Variants in ADGRD1 observed in about 807,000 individuals in gnomAD.
The protein encoded by ADGRD1 is adhesion G protein-coupled receptor D1.
Under a neutral mutation model 113.4 loss-of-function variants are expected in ADGRD1, and 77 were observed. The observed-to-expected ratio is 0.68, with a 90% CI of 0.57 to 0.82. The LOEUF (loss-of-function observed/expected upper bound fraction) is 0.82, where lower values mean the gene tolerates loss of function less well. Among genes scored for constraint, ADGRD1 ranks in the 40% least tolerant of loss-of-function variants. The pLI is 0.00. For synonymous variants in ADGRD1, 474 were observed against 475.0 expected (o/e 1.00, Z 0.03); for missense variants, 1,036 against 1,139.1 (o/e 0.91, Z 1.30).
At chr12:130,961,405 C>T (rs1870344549) in intron 2 of ADGRD1, among the ~76,000 whole-genome samples, 1 of 151,280 alleles carries the variant, frequency 6.6e-6, no homozygotes, top group Non-Finnish European at 1.5e-5. Context: ...GCCCTTTCCT[C>T]TCTCTCTCTC....
Position 131,017,732 on chromosome 12 carries a change from C to T in ADGRD1, c.1473+3392C>T, listed in dbSNP as rs867827949. Among the ~76,000 whole-genome samples the T allele has an allele frequency of 2.6e-5, 4 of 151,490 alleles. No individual in the cohort carries two copies. In the East Asian group the frequency reaches 7.8e-4, roughly 29 times the overall value. On this transcript the variant is annotated intron_variant, in intron 13 of 24. Coordinates refer to ENST00000261654, the MANE Select transcript of ADGRD1 (RefSeq NM_198827.5). ...TGCTCACACACCCAGTACACATACC[C>T]AGCACAGACACACCCAGTGCACACA...
intron 8 of ADGRD1, among the ~76,000 whole-genome samples, chr12:130,996,563 G>T (rs1875405593): frequency 7.4e-6 from 1 of 135,822 alleles, no homozygotes; most frequent in South Asian, 2.4e-4. Context: ...GGACGGGGCG[G>T]CTGGCCGGGC....
chr12:131,100,877 A>C (rs1453129054), intron 15 of ADGRD1, among the ~76,000 whole-genome samples: 1 of 152,244 alleles, frequency 6.6e-6, no homozygotes, highest in Non-Finnish European at 1.5e-5. Context: ...TTCTCAATTT[A>C]AAAGATATTA....
intron 15 of ADGRD1, among the ~76,000 whole-genome samples, chr12:131,090,406 G>A (rs1267099718): frequency 2.0e-5 from 3 of 152,132 alleles, no homozygotes; most frequent in African/African-American, 7.2e-5. Context: ...CCTGGTGCAG[G>A]CTTTCTGCTC....
intron 15 of ADGRD1, among the ~76,000 whole-genome samples, chr12:131,095,308 G>A (rs1887203799): frequency 6.6e-6 from 1 of 152,236 alleles, no homozygotes. Context: ...AAGGTTCTGA[G>A]GGTTCCACCC....
At chr12:131,000,529 G>A in intron 9 of ADGRD1, 87 bp downstream of exon 9, 1 of 1,010,282 alleles carries the variant, frequency 9.9e-7, no homozygotes, top group South Asian at 1.3e-5. Flanking sequence ...ATCACTTGAG[G>A]TCAGGAGTCA....
Position 131,004,281 on chromosome 12 carries a change from G to GC in ADGRD1, c.1242dup (p.Phe415LeufsTer80). The GC allele has an allele frequency of 6.2e-7, 1 of 1,612,164 alleles. No homozygotes were observed. The highest frequency in any genetic ancestry group is 8.5e-7 in the Non-Finnish European group (1 of 1,178,542). Reference sequence around the variant, plus strand: ...GAGCTTCATCCAGATCCCCCACGAGGCCTTCCACAGGCACGGTGAGTGTGG... The same window carrying GC: ...GAGCTTCATCCAGATCCCCCACGAGGCCCTTCCACAGGCACGGTGAGTGTGG... On this transcript the variant is annotated frameshift_variant, in exon 11 of 25. Coordinates refer to ENST00000261654, the MANE Select transcript of ADGRD1 (RefSeq NM_198827.5). LOFTEE classifies it high-confidence loss of function.
chr12:130,971,544 T>A lies in ADGRD1; in HGVS notation c.274T>A (p.Ser92Thr). Reference sequence around the variant, plus strand: ...TCTCTATTACGGCAGGTACAACAGCTCCTGCATCAGCAAGCCAGAGCAGTG... The same window carrying A: ...TCTCTATTACGGCAGGTACAACAGCACCTGCATCAGCAAGCCAGAGCAGTG... ...TLLYYGRYNSSCISKPEQCGP... is the reference protein window; with the variant it reads ...TLLYYGRYNSTCISKPEQCGP... Residue 92 changes from serine (S) to threonine (T), a missense_variant, in exon 4 of 25, where the codon TCC becomes ACC. Coordinates refer to ENST00000261654, the MANE Select transcript of ADGRD1 (RefSeq NM_198827.5). The surrounding 1 kb of genome is among the most constrained non-coding windows in gnomAD (Gnocchi z 4.2). 1 of 1,612,896 alleles carries A rather than the reference T, an allele frequency of 6.2e-7. No individual in the cohort carries two copies. The highest frequency in any genetic ancestry group is 2.2e-5 in the East Asian group (1 of 44,830).
intron 13 of ADGRD1, among the ~76,000 whole-genome samples, chr12:131,021,097 AT>A (rs1566037128): frequency 6.7e-6 from 1 of 149,550 alleles, no homozygotes; most frequent in African/African-American, 2.5e-5. Flanking sequence ...CAGAAAAAAA[AT>A]GTCAAGAATA....
intron 18 of ADGRD1, among the ~76,000 whole-genome samples, chr12:131,117,052 A>G (rs1593242456): frequency 6.6e-6 from 1 of 152,236 alleles, no homozygotes; most frequent in East Asian, 1.9e-4. Context: ...CATAAGACAC[A>G]TTAGCATACA....
intron 13 of ADGRD1, among the ~76,000 whole-genome samples, chr12:131,030,231 G>A (rs1483582622): frequency 1.4e-5 from 2 of 148,120 alleles, no homozygotes; most frequent in Admixed American, 1.3e-4. Context: ...ACATTCCCAG[G>A]CTCTGGGGTT....
intron 3 of ADGRD1, chr12:130,968,962 T>G (rs952936389): frequency 6.8e-7 from 1 of 1,479,862 alleles, no homozygotes; most frequent in African/African-American, 1.4e-5. Flanking sequence ...TTTTTCTTTT[T>G]GTTGTTTCAC....
chr12:131,001,828 A>T (rs541138365), intron 9 of ADGRD1, among the ~76,000 whole-genome samples: 1 of 152,240 alleles, frequency 6.6e-6, no homozygotes, highest in Non-Finnish European at 1.5e-5. Context: ...CACCACCATG[A>T]TATTAAAGTG....
intron 13 of ADGRD1, among the ~76,000 whole-genome samples, chr12:131,043,300 CTG>C (rs745786943): frequency 4.5e-4 from 68 of 152,302 alleles, no homozygotes; most frequent in Non-Finnish European, 7.1e-4. Flanking sequence ...GATGAGGAAA[CTG>C]AGACTTGTGG....
chr12:131,038,592 T>C (rs933699979), intron 13 of ADGRD1, among the ~76,000 whole-genome samples: 2 of 152,206 alleles, frequency 1.3e-5, no homozygotes, highest in Non-Finnish European at 2.9e-5. Context: ...GCTCAGCCAC[T>C]GGAGTGGCCC....
intron 18 of ADGRD1, among the ~76,000 whole-genome samples, chr12:131,117,762 G>C (rs1405245321): frequency 6.6e-6 from 1 of 152,192 alleles, no homozygotes; most frequent in Admixed American, 6.5e-5. Flanking sequence ...CTCAAATACT[G>C]TAAGAATGTG....
chr12:131,101,164 G>A (rs1183034758), intron 15 of ADGRD1, among the ~76,000 whole-genome samples: 2 of 152,000 alleles, frequency 1.3e-5, no homozygotes, highest in African/African-American at 2.4e-5. Context: ...GGTGGGACAT[G>A]AGATGACTTG....
rs1950540007 is a variant in ADGRD1, at chr12:131,119,402, G to C, written c.2108+951G>C. 1.3e-5 allele frequency among the ~76,000 whole-genome samples: 2 copies of C among 152,344 alleles called. 1 individual carries two copies. Among genetic ancestry groups the C allele is most frequent in the South Asian group, 4.1e-4 (2 of 4,826 alleles). On this transcript the variant is annotated intron_variant, in intron 19 of 24. Coordinates refer to ENST00000261654, the MANE Select transcript of ADGRD1 (RefSeq NM_198827.5). Reference sequence around the variant, plus strand: ...TGGCCTTCCTTTCATTCTGGATGCTGTTAGAAGTTGAGGGACTAATTAGAA... The same window carrying C: ...TGGCCTTCCTTTCATTCTGGATGCTCTTAGAAGTTGAGGGACTAATTAGAA...
chr12:131,116,414 A>C (rs1950464756), intron 18 of ADGRD1, among the ~76,000 whole-genome samples: 1 of 152,270 alleles, frequency 6.6e-6, no homozygotes, highest in South Asian at 2.1e-4. Flanking sequence ...CAAGTATTTC[A>C]GAGACAAGAC....
Sources: allele counts gnomAD v4.1 joint callset (sites outside exome capture counted in the v4.1 genomes callset), GRCh38; gene constraint gnomAD v4.1.1; non-coding constraint Gnocchi (gnomAD v3.1); transcripts MANE v1.5; gene names NCBI Gene and HGNC (gene_info 2026-07-23, HGNC 2026-07-21).